Variants in TLK2 observed in about 807,000 individuals in gnomAD.
The protein encoded by TLK2 is serine/threonine-protein kinase tousled-like 2.
Under a neutral mutation model 117.3 loss-of-function variants are expected in TLK2, and 6 were observed. The observed-to-expected ratio is 0.05, with a 90% CI of 0.03 to 0.10. The LOEUF (loss-of-function observed/expected upper bound fraction) is 0.10, where lower values mean the gene tolerates loss of function less well. Ranked by LOEUF, TLK2 falls within the 10% of genes least tolerant of loss-of-function variation. The pLI, the probability that TLK2 is intolerant of heterozygous loss-of-function variation, is 1.00. For missense variants in TLK2, 299 were observed against 901.2 expected, an observed-to-expected ratio of 0.33 and a Z score of 8.56; for synonymous variants, 257 against 316.7, an observed-to-expected ratio of 0.81 and a Z score of 2.00.
At chr17:62,564,911 C>A in intron 10 of TLK2, 90 bp from the exon 11 acceptor site, 2 of 1,461,980 alleles carry the variant, frequency 1.4e-6, no homozygotes, top group Non-Finnish European at 1.8e-6. Flanking sequence ...TAATATGTTT[C>A]CTGATAATGT....
chr17:62,595,225 C>T (rs1567992758), intron 16 of TLK2, among the ~76,000 whole-genome samples: 1 of 151,860 alleles, frequency 6.6e-6, no homozygotes, highest in East Asian at 1.9e-4. Context: ...AGGTGATCCA[C>T]CCGCCTTGGC....
chr17:62,558,911 G>A (rs2079051916), intron 9 of TLK2, among the ~76,000 whole-genome samples: 1 of 152,160 alleles, frequency 6.6e-6, no homozygotes, highest in African/African-American at 2.4e-5. Flanking sequence ...TCTTCTGTTT[G>A]TGCCTTTTAG....
At position 62,512,861 on chromosome 17, in the gene TLK2, A is replaced by ATTATTATT. The variant is rs370355895; in HGVS notation, c.82-7912_82-7911insTTATTATT. On this transcript the variant is annotated intron_variant, in intron 2 of 21. Transcript: ENST00000346027. ...TTTTTTTCTCTTTTAAAAATTTATT[A>ATTATTATT]ATTATTATTATTATTATTATTATTA... 6.0e-3 allele frequency among the ~76,000 whole-genome samples: 849 copies of ATTATTATT among 141,152 alleles called. 6 individuals are homozygous for ATTATTATT. The highest frequency in any genetic ancestry group is 0.025 in the Middle Eastern group (7 of 278). The allele number at this position is 141,152 out of a possible 152,430, so 92.6% of individuals were successfully genotyped here.
At chr17:62,529,502 G>A (rs1296267101) in intron 6 of TLK2, among the ~76,000 whole-genome samples, 1 of 152,172 alleles carries the variant, frequency 6.6e-6, no homozygotes, top group Non-Finnish European at 1.5e-5. Flanking sequence ...CCAAAGTATT[G>A]GGATTATAGG....
intron 7 of TLK2, among the ~76,000 whole-genome samples, chr17:62,539,447 C>T (rs950126048): frequency 2.7e-5 from 4 of 149,842 alleles, no homozygotes; most frequent in African/African-American, 9.8e-5. Context: ...ATTTATCTAC[C>T]TTCATTTTCT....
At chr17:62,573,440 C>A in intron 12 of TLK2, 73 bp downstream of exon 12, 1 of 1,564,040 alleles carries the variant, frequency 6.4e-7, no homozygotes. Context: ...TTGTCACCGG[C>A]AATAGTTTTA....
At chr17:62,476,682 C>A (rs999586301), upstream of TLK2, among the ~76,000 whole-genome samples, 1 of 152,076 alleles carries the variant, frequency 6.6e-6, no homozygotes, top group African/African-American at 2.4e-5. Context: ...GATGATAGGC[C>A]CATGTGGCTT....
intron 3 of TLK2, among the ~76,000 whole-genome samples, chr17:62,521,371 T>A (rs1366914678): frequency 6.6e-6 from 1 of 152,168 alleles, no homozygotes; most frequent in Non-Finnish European, 1.5e-5. Flanking sequence ...ATTGTTCCTG[T>A]TTAAATGGAA....
At chr17:62,522,338 T>A in intron 4 of TLK2, 65 bp downstream of exon 4, 1 of 1,508,920 alleles carries the variant, frequency 6.6e-7, no homozygotes, top group Non-Finnish European at 9.0e-7. Flanking sequence ...ATTTTCTAAC[T>A]CATACTAAAT....
At chr17:62,553,581 C>T in intron 8 of TLK2, 82 bp from the exon 9 acceptor site, 1 of 969,890 alleles carries the variant, frequency 1.0e-6, no homozygotes, top group South Asian at 1.4e-5. Context: ...TCCCACCCCC[C>T]CGAGAAAGGT....
intron 10 of TLK2, among the ~76,000 whole-genome samples, chr17:62,561,471 C>G (rs1220858952): frequency 6.6e-6 from 1 of 152,252 alleles, no homozygotes. Flanking sequence ...CTCGGCCTCC[C>G]AAAGTGCTGG....
chr17:62,591,835 C>T (rs1344559303), intron 16 of TLK2, among the ~76,000 whole-genome samples: 12 of 152,102 alleles, frequency 7.9e-5, no homozygotes, highest in South Asian at 2.1e-4. Flanking sequence ...TTTATTTTAC[C>T]GTACTACGGA....
Position 62,536,585 on chromosome 17 carries a change from A to G in TLK2, c.531+248A>G, listed in dbSNP as rs369665726. ...TGCTTTGTCAAAGCCTGAACCCACA[A>G]TGGGAAGGAAGGAAAGCATAATCTT... On this transcript the variant is annotated intron_variant, in intron 7 of 21. Coordinates refer to ENST00000346027, the MANE Select transcript of TLK2 (RefSeq NM_006852.6). Among the ~76,000 whole-genome samples the G allele has an allele frequency of 9.9e-5, 15 of 152,168 alleles. No individual in the cohort carries two copies. In the East Asian group the frequency reaches 2.7e-3, roughly 27 times the overall value.
intron 2 of TLK2, chr17:62,516,559 T>G: frequency 6.2e-7 from 1 of 1,609,310 alleles, no homozygotes; most frequent in South Asian, 1.1e-5. Context: ...ATTGGTAAGG[T>G]ACCAGTAGAA....
At chr17:62,471,813 G>C (rs1598049512) in intron 1 of TLK2, among the ~76,000 whole-genome samples, 1 of 151,342 alleles carries the variant, frequency 6.6e-6, no homozygotes, top group Non-Finnish European at 1.5e-5. Context: ...AAGAGCAGGA[G>C]GGGGAGCAGT....
At chr17:62,609,959 T>A (rs2083609637) in intron 21 of TLK2, among the ~76,000 whole-genome samples, 2 of 152,008 alleles carry the variant, frequency 1.3e-5, no homozygotes, top group African/African-American at 4.8e-5. Context: ...GGTTGTGAGG[T>A]TTAAGAGGAC....
chr17:62,480,176 G>A (rs2071461462), intron 1 of TLK2, among the ~76,000 whole-genome samples: 1 of 152,336 alleles, frequency 6.6e-6, no homozygotes, highest in African/African-American at 2.4e-5. Context: ...GAGAATGTTC[G>A]ATTCATCTTT....
chr17:62,532,210 A>G (rs570758683), intron 6 of TLK2, among the ~76,000 whole-genome samples: 1 of 152,160 alleles, frequency 6.6e-6, no homozygotes, highest in South Asian at 2.1e-4. Context: ...CCCATATTTT[A>G]TCCTATCTGT....
At chr17:62,597,667 A>G (rs940573539) in intron 17 of TLK2, among the ~76,000 whole-genome samples, 9 of 152,208 alleles carry the variant, frequency 5.9e-5, no homozygotes, top group African/African-American at 2.2e-4. Flanking sequence ...TCATAGGCTT[A>G]TAGGATGTTA....
Sources: allele counts gnomAD v4.1 joint callset (sites outside exome capture counted in the v4.1 genomes callset), GRCh38; gene constraint gnomAD v4.1.1; transcripts MANE v1.5; gene names NCBI Gene and HGNC (gene_info 2026-07-23, HGNC 2026-07-21).